The following PARPBP variants were observed in gnomAD, a reference collection of about 807,000 sequenced individuals.
The protein encoded by PARPBP is PARP1 binding protein.
A neutral mutation model predicts 50.0 loss-of-function variants in PARPBP; 52 were observed. That is an observed-to-expected ratio of 1.04 (90% confidence interval 0.83 to 1.31). The LOEUF (loss-of-function observed/expected upper bound fraction) is 1.31, where lower values mean the gene tolerates loss of function less well. Ranked by LOEUF, PARPBP falls within the 50% of genes most tolerant of loss-of-function variation. The probability of loss-of-function intolerance (pLI) is 0.00; values close to 1 mark genes in which losing one functional copy is unlikely to be tolerated. For synonymous variants in PARPBP, 244 were observed against 232.1 expected, an observed-to-expected ratio of 1.05 and a Z score of -0.47; for missense variants, 697 against 672.0, an observed-to-expected ratio of 1.04 and a Z score of -0.41.
chr12:102,160,957 A>T (rs540189078), intron 4 of PARPBP, among the ~76,000 whole-genome samples: 1,851 of 150,452 alleles, frequency 0.012, 45 homozygotes, highest in African/African-American at 0.042. Context: ...TCAAAAAAAA[A>T]AAATATATAT....
intron 2 of PARPBP, among the ~76,000 whole-genome samples, chr12:102,146,597 C>A (rs1296345977): frequency 1.3e-5 from 2 of 152,060 alleles, no homozygotes; most frequent in East Asian, 1.9e-4. Context: ...AACGTTAGAC[C>A]TAAAACCATA....
chr12:102,151,591 T>G, intron 3 of PARPBP: 1 of 1,535,572 alleles, frequency 6.5e-7, no homozygotes, highest in Non-Finnish European at 8.7e-7. Flanking sequence ...ACAGCCACCT[T>G]CAGAAAGAGG....
chr12:102,182,706 G>A, intron 9 of PARPBP, 79 bp downstream of exon 9: 1 of 943,372 alleles, frequency 1.1e-6, no homozygotes, highest in South Asian at 1.4e-5. Context: ...GCTGAGCTGG[G>A]TATTGTAAAT....
At chr12:102,128,332 C>T (rs372861084) in intron 2 of PARPBP, among the ~76,000 whole-genome samples, 16 of 152,234 alleles carry the variant, frequency 1.1e-4, no homozygotes, top group South Asian at 4.1e-4. Flanking sequence ...CCCGGGTTCA[C>T]GCCATTTTTC....
chr12:102,151,459 T>A (rs1196029193), intron 3 of PARPBP: 1 of 706,988 alleles, frequency 1.4e-6, no homozygotes, highest in Non-Finnish European at 2.4e-6. Context: ...GAAATGGTCC[T>A]TAGTTGGAGC....
chr12:102,149,457 G>A (rs540229478), intron 3 of PARPBP, among the ~76,000 whole-genome samples: 41 of 152,272 alleles, frequency 2.7e-4, no homozygotes, highest in Non-Finnish European at 4.4e-4. Flanking sequence ...GGTCCAAGAT[G>A]ACTGTTGGAG....
At position 102,195,413 on chromosome 12, in the gene PARPBP, T is replaced by C. The variant is rs778130764; in HGVS notation, c.1365T>C (p.Pro455=). The C allele has an allele frequency of 6.3e-7, 1 of 1,595,850 alleles. No individual in the cohort carries two copies. The highest frequency in any genetic ancestry group is 1.1e-5 in the South Asian group (1 of 88,790). Residue 455 remains proline, a synonymous_variant, in exon 10 of 11, where the codon CCT becomes CCC. Coordinates refer to ENST00000327680, the MANE Select transcript of PARPBP (RefSeq NM_017915.5). Reference sequence around the variant, plus strand: ...ATAATGTTAATTTAGCATCAAAGCCTTTGTGTGTTCTTTACATGGAAAATG... The same window carrying C: ...ATAATGTTAATTTAGCATCAAAGCCCTTGTGTGTTCTTTACATGGAAAATG... ...NWNNVNLASK[P]LCVLYMENDL...
At chr12:102,176,987 G>A (rs1197691575) in intron 7 of PARPBP, among the ~76,000 whole-genome samples, 3 of 152,046 alleles carry the variant, frequency 2.0e-5, no homozygotes, top group Admixed American at 6.6e-5. Context: ...CCATTTCTTG[G>A]CAGAAGAAAT....
chr12:102,139,250 A>T (rs377041203), intron 2 of PARPBP, among the ~76,000 whole-genome samples: 2 of 152,142 alleles, frequency 1.3e-5, no homozygotes, highest in Non-Finnish European at 2.9e-5. Flanking sequence ...CTTTGTAGCA[A>T]TTGTGAATGA....
chr12:102,121,869 A>G (rs1258554670), intron 1 of PARPBP, among the ~76,000 whole-genome samples: 1 of 152,180 alleles, frequency 6.6e-6, no homozygotes, highest in Admixed American at 6.5e-5. Flanking sequence ...AAAACAACTT[A>G]GAAACTCATA....
At chr12:102,158,479 C>T (rs1316512571) in intron 4 of PARPBP, among the ~76,000 whole-genome samples, 6 of 152,166 alleles carry the variant, frequency 3.9e-5, no homozygotes, top group African/African-American at 1.4e-4. Context: ...TTTACATGCT[C>T]TAGTAGACTT....
At chr12:102,139,263 G>A (rs1884165475) in intron 2 of PARPBP, among the ~76,000 whole-genome samples, 1 of 152,112 alleles carries the variant, frequency 6.6e-6, no homozygotes, top group Non-Finnish European at 1.5e-5. Context: ...GTGAATGAGA[G>A]TTCACTCATG....
intron 4 of PARPBP, among the ~76,000 whole-genome samples, chr12:102,158,085 C>T (rs560559478): frequency 6.6e-5 from 9 of 136,486 alleles, no homozygotes; most frequent in Non-Finnish European, 1.2e-4. Context: ...GGTGCCACTG[C>T]ACTCCAGCCT....
At chr12:102,185,251 T>C (rs1890199868) in intron 9 of PARPBP, among the ~76,000 whole-genome samples, 1 of 152,186 alleles carries the variant, frequency 6.6e-6, no homozygotes, top group Non-Finnish European at 1.5e-5. Flanking sequence ...GGGTGTTGAA[T>C]TTTATCAAAT....
At chr12:102,146,876 A>G (rs1885435259) in intron 2 of PARPBP, among the ~76,000 whole-genome samples, 2 of 147,064 alleles carry the variant, frequency 1.4e-5, no homozygotes, top group South Asian at 4.2e-4. Context: ...TGCAAGAAAA[A>G]AACAAACAAC....
chr12:102,151,724 T>G, intron 3 of PARPBP: 1 of 1,535,548 alleles, frequency 6.5e-7, no homozygotes, highest in Non-Finnish European at 8.7e-7. Flanking sequence ...TCCCTAAACT[T>G]CAGATTGCCT....
At chr12:102,153,829 A>G (rs896635536) in intron 3 of PARPBP, 40 bp from the exon 4 acceptor site, 1 of 1,059,134 alleles carries the variant, frequency 9.4e-7, no homozygotes. Flanking sequence ...TTTTATAGTC[A>G]GCATAGCATT....
intron 2 of PARPBP, among the ~76,000 whole-genome samples, chr12:102,138,688 T>G (rs1345081157): frequency 6.6e-6 from 1 of 152,200 alleles, no homozygotes; most frequent in South Asian, 2.1e-4. Context: ...AGGGATCCAG[T>G]TTCAGCTTTC....
At chr12:102,147,282 C>T (rs908166269) in intron 2 of PARPBP, among the ~76,000 whole-genome samples, 1 of 152,116 alleles carries the variant, frequency 6.6e-6, no homozygotes, top group African/African-American at 2.4e-5. Context: ...TTTATTCTGG[C>T]ACTATTCACA....
Sources: allele counts gnomAD v4.1 joint callset (sites outside exome capture counted in the v4.1 genomes callset), GRCh38; gene constraint gnomAD v4.1.1; transcripts MANE v1.5; gene names NCBI Gene and HGNC (gene_info 2026-07-23, HGNC 2026-07-21).